FRMD5: variants seen among roughly 807,000 people sequenced by gnomAD.
The protein encoded by FRMD5 is FERM domain containing 5, also known as FERM domain-containing protein 5.
A neutral mutation model predicts 69.0 loss-of-function variants in FRMD5; 20 were observed. The ratio of observed to expected loss-of-function variants is 0.29; its 90% CI spans 0.20 to 0.42. The LOEUF (loss-of-function observed/expected upper bound fraction) is 0.42, where lower values mean the gene tolerates loss of function less well. Ranked by LOEUF, FRMD5 falls within the 10% of genes least tolerant of loss-of-function variation. The pLI, the probability that FRMD5 is intolerant of heterozygous loss-of-function variation, is 1.00. For missense variants in FRMD5, 595 were observed against 708.6 expected (o/e 0.84, Z 1.82); for synonymous variants, 271 against 260.1 (o/e 1.04, Z -0.40).
intron 1 of FRMD5, among the ~76,000 whole-genome samples, chr15:44,188,117 G>A (rs2463448): frequency 6.6e-6 from 1 of 151,968 alleles, no homozygotes; most frequent in Non-Finnish European, 1.5e-5. Flanking sequence ...GCGTCAAGTT[G>A]TGAACAAAAT....
intron 1 of FRMD5, among the ~76,000 whole-genome samples, chr15:44,055,069 CAAAAA>C (rs1024472194): frequency 1.8e-4 from 10 of 56,212 alleles, no homozygotes; most frequent in Admixed American, 1.2e-3. Context: ...GACTCTGTCT[CAAAAA>C]AAAAAAAAAA....
At chr15:44,019,427 C>A (rs1296051000) in intron 1 of FRMD5, among the ~76,000 whole-genome samples, 2 of 150,116 alleles carry the variant, frequency 1.3e-5, no homozygotes, top group Non-Finnish European at 3.0e-5. Context: ...ATATCTTTGG[C>A]ATCCTGTTAA....
intron 1 of FRMD5, among the ~76,000 whole-genome samples, chr15:44,057,039 C>T (rs1257989144): frequency 6.6e-6 from 1 of 152,158 alleles, no homozygotes; most frequent in East Asian, 1.9e-4. Context: ...ACTGTGAGTT[C>T]ACTCTCCATG....
At chr15:44,048,852 G>A (rs183753862) in intron 1 of FRMD5, among the ~76,000 whole-genome samples, 5 of 152,240 alleles carry the variant, frequency 3.3e-5, no homozygotes, top group East Asian at 1.9e-4. Flanking sequence ...AATTATAGGC[G>A]TGAGCCACCA....
At chr15:44,181,835 C>A (rs73407885) in intron 1 of FRMD5, among the ~76,000 whole-genome samples, 1 of 151,858 alleles carries the variant, frequency 6.6e-6, no homozygotes, top group Non-Finnish European at 1.5e-5. Flanking sequence ...CCCAGGAGTT[C>A]GAGGGTAAAG....
Position 44,057,416 on chromosome 15 carries a change from A to G in FRMD5, c.103-133107T>C, listed in dbSNP as rs575558402. ...CCACCACGCCTGGCTGAACTGTTCT[A>G]TCTATCCTATCTGGAGATATTGCAC... On this transcript the variant is annotated intron_variant, in intron 1 of 13. Transcript: ENST00000417257. 4.6e-5 allele frequency among the ~76,000 whole-genome samples: 7 copies of G among 152,276 alleles called. No individual in the cohort carries two copies. In the East Asian group the frequency reaches 1.4e-3, roughly 29 times the overall value.
chr15:43,955,200 A>G (rs1048266748), intron 1 of FRMD5, among the ~76,000 whole-genome samples: 6 of 152,182 alleles, frequency 3.9e-5, no homozygotes, highest in African/African-American at 1.2e-4. Flanking sequence ...ACAGGGATGT[A>G]ACCAAAAAGC....
intron 1 of FRMD5, among the ~76,000 whole-genome samples, chr15:44,092,892 C>T (rs547065819): frequency 1.6e-4 from 24 of 148,058 alleles, no homozygotes; most frequent in African/African-American, 5.9e-4. Flanking sequence ...TCTTACTTTG[C>T]ATTATAGTAA....
intron 1 of FRMD5, among the ~76,000 whole-genome samples, chr15:44,004,949 G>T (rs1890370835): frequency 6.6e-6 from 1 of 152,208 alleles, no homozygotes; most frequent in African/African-American, 2.4e-5. Flanking sequence ...TAACAGGAAA[G>T]TAAAACAGTC....
chr15:44,153,646 T>C (rs1051065234), intron 1 of FRMD5, among the ~76,000 whole-genome samples: 3 of 152,234 alleles, frequency 2.0e-5, no homozygotes, highest in Admixed American at 2.0e-4. Context: ...ACATTATGAA[T>C]GTATTTCATC....
At chr15:43,900,673 A>C (rs868308408) in intron 7 of FRMD5, among the ~76,000 whole-genome samples, 1 of 149,240 alleles carries the variant, frequency 6.7e-6, no homozygotes. Context: ...GCTGGAGTGC[A>C]ATGGCATGAT....
intron 1 of FRMD5, among the ~76,000 whole-genome samples, chr15:44,151,616 G>A (rs908309416): frequency 1.3e-5 from 2 of 152,020 alleles, no homozygotes; most frequent in Non-Finnish European, 2.9e-5. Context: ...AAAGAGTAGT[G>A]CTAAAAGACC....
chr15:43,962,367 C>T (rs2090216420), intron 1 of FRMD5, among the ~76,000 whole-genome samples: 2 of 152,290 alleles, frequency 1.3e-5, no homozygotes, highest in South Asian at 2.1e-4. Flanking sequence ...AGGACCTCTT[C>T]AAGGAGAACT....
intron 5 of FRMD5, 45 bp downstream of exon 5, chr15:43,909,830 TGTAATCA>T: frequency 9.4e-7 from 1 of 1,058,488 alleles, no homozygotes; most frequent in South Asian, 1.3e-5. Flanking sequence ...CTGAAAATAA[TGTAATCA>T]GTACTTGGCA....
chr15:44,015,751 G>A (rs1890928801), intron 1 of FRMD5, among the ~76,000 whole-genome samples: 1 of 152,176 alleles, frequency 6.6e-6, no homozygotes. Context: ...AGGGGAAAAT[G>A]TTCATTAAAT....
chr15:43,887,373 G>A (rs1210284590), intron 10 of FRMD5, among the ~76,000 whole-genome samples: 1 of 152,232 alleles, frequency 6.6e-6, no homozygotes, highest in Non-Finnish European at 1.5e-5. Flanking sequence ...GGCAAAGGGA[G>A]GGTGGTAGCA....
At chr15:43,981,230 G>A (rs538000203) in intron 1 of FRMD5, among the ~76,000 whole-genome samples, 62 of 152,106 alleles carry the variant, frequency 4.1e-4, no homozygotes, top group Non-Finnish European at 1.5e-4. Context: ...AAAGTGCTGG[G>A]ATTACAGGCG....
chr15:44,092,760 T>C (rs561606236), intron 1 of FRMD5, among the ~76,000 whole-genome samples: 4 of 152,176 alleles, frequency 2.6e-5, no homozygotes, highest in Non-Finnish European at 5.9e-5. Flanking sequence ...TCTACCCACA[T>C]CACCTTCTAG....
intron 1 of FRMD5, among the ~76,000 whole-genome samples, chr15:44,110,323 G>C (rs1254916188): frequency 6.6e-6 from 1 of 152,168 alleles, no homozygotes; most frequent in African/African-American, 2.4e-5. Flanking sequence ...CTCCTGAGTA[G>C]CTGGGACTGC....
Sources: gnomAD v4.1 joint callset for allele counts (sites outside exome capture counted in the v4.1 genomes callset) on GRCh38, gnomAD v4.1.1 for gene constraint, MANE v1.5 for transcripts, NCBI Gene and HGNC (gene_info 2026-07-23, HGNC 2026-07-21) for gene names.